Variants in STPG4 observed in about 807,000 individuals in gnomAD.
STPG4 encodes the protein protein STPG4.
STPG4 carries 41 observed loss-of-function variants against 31.5 expected under a neutral mutation model. The ratio of observed to expected loss-of-function variants is 1.30; its 90% CI spans 1.01 to 1.69. STPG4 has a LOEUF of 1.69. Ranked by LOEUF, STPG4 falls within the 40% of genes most tolerant of loss-of-function variation. The pLI, the probability that STPG4 is intolerant of heterozygous loss-of-function variation, is 0.00. For missense variants in STPG4, 375 were observed against 293.4 expected, an observed-to-expected ratio of 1.28 and a Z score of -2.03; for synonymous variants, 141 against 103.0, an observed-to-expected ratio of 1.37 and a Z score of -2.24.
At chr2:47,137,103 A>C (rs1686612021) in intron 3 of STPG4, among the ~76,000 whole-genome samples, 1 of 152,212 alleles carries the variant, frequency 6.6e-6, no homozygotes, top group African/African-American at 2.4e-5. Flanking sequence ...CTCACCATTA[A>C]GTATGATGCT....
chr2:47,131,142 T>A (rs1011620611), intron 3 of STPG4, among the ~76,000 whole-genome samples: 1 of 151,018 alleles, frequency 6.6e-6, no homozygotes, highest in African/African-American at 2.4e-5. Flanking sequence ...ATTTATTTAT[T>A]TAGGGACAAA....
intron 3 of STPG4, among the ~76,000 whole-genome samples, chr2:47,146,151 A>G (rs1040005169): frequency 4.6e-5 from 7 of 152,224 alleles, no homozygotes; most frequent in African/African-American, 1.7e-4. Context: ...CCAGTTCACA[A>G]TATCCCTGCT....
At chr2:47,103,462 G>C (rs888849335) in intron 5 of STPG4, among the ~76,000 whole-genome samples, 6 of 151,824 alleles carry the variant, frequency 4.0e-5, no homozygotes, top group Non-Finnish European at 7.4e-5. Context: ...TGTTCTATAA[G>C]AGGGACCAAG....
chr2:47,090,528 G>A (rs764018884), intron 5 of STPG4, among the ~76,000 whole-genome samples, 154 bp from the exon 6 acceptor site: 16 of 152,154 alleles, frequency 1.1e-4, no homozygotes, highest in African/African-American at 2.7e-4. Context: ...GTGTGAGCTG[G>A]GACAAGTCAT....
At chr2:47,139,178 C>T (rs1686656695) in intron 3 of STPG4, among the ~76,000 whole-genome samples, 1 of 152,200 alleles carries the variant, frequency 6.6e-6, no homozygotes, top group Non-Finnish European at 1.5e-5. Flanking sequence ...TTGTCCATTT[C>T]TGATAGAGGG....
At chr2:47,132,870 G>A (rs544543219) in intron 3 of STPG4, among the ~76,000 whole-genome samples, 130 of 152,222 alleles carry the variant, frequency 8.5e-4, no homozygotes, top group Admixed American at 1.2e-3. Context: ...TATCTATACT[G>A]AGCAATCCAT....
chr2:47,088,088 G>T (rs1400928881), intron 6 of STPG4, among the ~76,000 whole-genome samples: 7 of 150,400 alleles, frequency 4.7e-5, no homozygotes, highest in African/African-American at 1.2e-4. Context: ...TTTGTTTTTG[G>T]TTTTTTTTTG....
At position 47,092,036 on chromosome 2, in the gene STPG4, A is replaced by C. The variant is rs1371618965; in HGVS notation, c.520-1662T>G. Among the ~76,000 whole-genome samples the C allele has an allele frequency of 3.3e-5, 5 of 149,742 alleles. No homozygotes were observed. The South Asian group carries it at 1.1e-3, about 32-fold the overall frequency. On this transcript the variant is annotated intron_variant, in intron 5 of 6. Coordinates refer to ENST00000445927, the MANE Select transcript of STPG4 (RefSeq NM_001163561.2). ...AATGCAAGCTGAACAAATGTGCATT[A>C]AAAAAACTTGGAATGAAATTATCTC...
At chr2:47,144,644 G>C (rs926929546) in intron 3 of STPG4, among the ~76,000 whole-genome samples, 1 of 152,106 alleles carries the variant, frequency 6.6e-6, no homozygotes, top group Non-Finnish European at 1.5e-5. Flanking sequence ...TGACATGCTA[G>C]GTTATTTATT....
chr2:47,098,656 C>T (rs944122002), intron 5 of STPG4, among the ~76,000 whole-genome samples: 1 of 151,290 alleles, frequency 6.6e-6, no homozygotes, highest in African/African-American at 2.4e-5. Flanking sequence ...TATATCCATG[C>T]ATTAAATACA....
chr2:47,128,311 C>T (rs1686403772), intron 5 of STPG4, among the ~76,000 whole-genome samples: 1 of 152,160 alleles, frequency 6.6e-6, no homozygotes, highest in African/African-American at 2.4e-5. Flanking sequence ...GGTACTGGGT[C>T]TCACCCAAGG....
At chr2:47,103,040 G>A (rs372649501) in intron 5 of STPG4, among the ~76,000 whole-genome samples, 26 of 152,054 alleles carry the variant, frequency 1.7e-4, no homozygotes, top group East Asian at 1.5e-3. Flanking sequence ...TCTTAGTCAA[G>A]TAAATGACAG....
intron 5 of STPG4, among the ~76,000 whole-genome samples, chr2:47,105,330 C>T (rs1301327008): frequency 1.3e-5 from 2 of 151,880 alleles, no homozygotes; most frequent in African/African-American, 4.9e-5. Context: ...CAGAGGCTAT[C>T]AAAATAATAC....
At chr2:47,088,035 G>A (rs1184168186) in intron 6 of STPG4, among the ~76,000 whole-genome samples, 5 of 152,100 alleles carry the variant, frequency 3.3e-5, no homozygotes, top group African/African-American at 1.2e-4. Context: ...TTACAGGTGT[G>A]AGCCACAGCA....
chr2:47,123,211 A>T (rs1343725558), intron 5 of STPG4, among the ~76,000 whole-genome samples: 2 of 152,210 alleles, frequency 1.3e-5, no homozygotes, highest in African/African-American at 4.8e-5. Context: ...TATCTAAAAG[A>T]GTTCATTTTT....
At chr2:47,133,552 C>CTGATT (rs1686531869) in intron 3 of STPG4, among the ~76,000 whole-genome samples, 1 of 128,980 alleles carries the variant, frequency 7.8e-6, no homozygotes, top group Non-Finnish European at 1.6e-5. Flanking sequence ...TCAATCCATG[C>CTGATT]TGATTAGGCA....
Position 47,089,857 on chromosome 2 carries a change from A to G in STPG4, c.624+413T>C, listed in dbSNP as rs1045244475. Reference sequence around the variant, plus strand: ...TGCCTTAATGGTCCCATTTGGGTCAATAAAAATGTTTCTGCTTCAAATTTT... The same window carrying G: ...TGCCTTAATGGTCCCATTTGGGTCAGTAAAAATGTTTCTGCTTCAAATTTT... On this transcript the variant is annotated intron_variant, in intron 6 of 6. Coordinates refer to ENST00000445927, the MANE Select transcript of STPG4 (RefSeq NM_001163561.2). Among the ~76,000 whole-genome samples the G allele has an allele frequency of 6.6e-5, 10 of 152,176 alleles. 1 individual carries two copies. The East Asian group carries it at 9.6e-4, about 15-fold the overall frequency.
intron 5 of STPG4, among the ~76,000 whole-genome samples, chr2:47,111,417 C>G (rs941934573): frequency 3.3e-5 from 5 of 152,110 alleles, no homozygotes; most frequent in Non-Finnish European, 5.9e-5. Context: ...GATCAAGAGA[C>G]TTATTTAGGT....
At chr2:47,115,435 A>T (rs1686128588) in intron 5 of STPG4, among the ~76,000 whole-genome samples, 1 of 152,066 alleles carries the variant, frequency 6.6e-6, no homozygotes, top group South Asian at 2.1e-4. Flanking sequence ...GGTAATTTTT[A>T]TGAGTTTTTG....
Sources: gnomAD v4.1 joint callset for allele counts (sites outside exome capture counted in the v4.1 genomes callset) on GRCh38, gnomAD v4.1.1 for gene constraint, MANE v1.5 for transcripts, NCBI Gene and HGNC (gene_info 2026-07-23, HGNC 2026-07-21) for gene names.